WDR7: variants seen among roughly 807,000 people sequenced by gnomAD.
WDR7 encodes WD repeat domain 7, also known as WD repeat-containing protein 7.
In WDR7, 46 loss-of-function variants were observed where a neutral mutation model predicts 169.4. That is an observed-to-expected ratio of 0.27 (90% CI 0.21 to 0.35). The LOEUF (loss-of-function observed/expected upper bound fraction) is 0.35, where lower values mean the gene tolerates loss of function less well. Among genes scored for constraint, WDR7 ranks in the 10% least tolerant of loss-of-function variants. The pLI is 1.00. For missense variants in WDR7, 1,534 were observed against 1,859.3 expected, an observed-to-expected ratio of 0.83 and a Z score of 3.22; for synonymous variants, 612 against 666.8, an observed-to-expected ratio of 0.92 and a Z score of 1.27.
At chr18:56,822,000 A>G (rs1037868033) in intron 20 of WDR7, among the ~76,000 whole-genome samples, 4 of 152,074 alleles carry the variant, frequency 2.6e-5, no homozygotes, top group African/African-American at 4.8e-5. Flanking sequence ...CTCTGTCTCA[A>G]TAAAAACAAA....
At chr18:56,674,017 T>A (rs1316007597) in intron 2 of WDR7, among the ~76,000 whole-genome samples, 2 of 152,234 alleles carry the variant, frequency 1.3e-5, no homozygotes, top group African/African-American at 2.4e-5. Context: ...GTAGCATGTA[T>A]CAGTACTTCA....
At chr18:56,948,901 T>A (rs1197684505) in intron 25 of WDR7, among the ~76,000 whole-genome samples, 1 of 152,168 alleles carries the variant, frequency 6.6e-6, no homozygotes, top group African/African-American at 2.4e-5. Flanking sequence ...AGCCCAGGCC[T>A]CTTCCTCTCC....
At chr18:56,755,515 G>A (rs746532289) in intron 14 of WDR7, among the ~76,000 whole-genome samples, 4 of 152,156 alleles carry the variant, frequency 2.6e-5, no homozygotes, top group African/African-American at 7.2e-5. Context: ...CAGCGGGATA[G>A]GAAGAAAACA....
chr18:56,887,462 A>T (rs779017482), intron 21 of WDR7, among the ~76,000 whole-genome samples: 22 of 152,222 alleles, frequency 1.4e-4, no homozygotes, highest in Non-Finnish European at 3.1e-4. Context: ...AATTCTATTT[A>T]TGAGCGATTT....
At chr18:56,980,748 G>T (rs2047632409) in intron 26 of WDR7, among the ~76,000 whole-genome samples, 2 of 152,188 alleles carry the variant, frequency 1.3e-5, no homozygotes, top group African/African-American at 4.8e-5. Context: ...GTGGATGGGA[G>T]AGAAGAGCAT....
At chr18:56,819,319 A>C (rs2045040997) in intron 20 of WDR7, among the ~76,000 whole-genome samples, 1 of 152,180 alleles carries the variant, frequency 6.6e-6, no homozygotes, top group South Asian at 2.1e-4. Flanking sequence ...AGGAGGAAAA[A>C]AATTGGGTCT....
rs141319626 is a variant in WDR7 at position 56,975,304 on chromosome 18, A to G, written c.4164+12775A>G. Among the ~76,000 whole-genome samples the G allele has an allele frequency of 8.3e-4, 126 of 152,206 alleles. 1 individual carries two copies. Among genetic ancestry groups the G allele is most frequent in the African/African-American group, 3.0e-3 (123 of 41,534 alleles). ...GGTGTTCTGTGGGCAGACATGGGAGAAGAAAACTTTTCTGGGAGAGGATGA... is the reference window on the plus strand; with the variant it reads ...GGTGTTCTGTGGGCAGACATGGGAGGAGAAAACTTTTCTGGGAGAGGATGA... On this transcript the variant is annotated intron_variant, in intron 26 of 27. Coordinates refer to ENST00000254442, the MANE Select transcript of WDR7 (RefSeq NM_015285.3).
intron 26 of WDR7, among the ~76,000 whole-genome samples, chr18:57,015,529 A>G (rs1464067117): frequency 6.6e-6 from 1 of 152,098 alleles, no homozygotes; most frequent in Non-Finnish European, 1.5e-5. Context: ...TCCCTTGCCT[A>G]ACAGAGCTGT....
At chr18:57,024,577 T>C (rs12968165) in intron 27 of WDR7, among the ~76,000 whole-genome samples, 2,003 of 51,336 alleles carry the variant, frequency 0.039, 84 homozygotes, top group East Asian at 0.062. Flanking sequence ...ATGTCCCTTA[T>C]AGAATTTCAC....
chr18:56,924,668 A>G (rs986538452), intron 22 of WDR7, among the ~76,000 whole-genome samples: 8 of 152,238 alleles, frequency 5.3e-5, no homozygotes, highest in East Asian at 1.9e-4. Flanking sequence ...GTGGTGACCA[A>G]CTGACTAGGA....
chr18:56,916,708 TCTGGTATTGTATTAGTATACACCA>T (rs2046631962), intron 21 of WDR7, among the ~76,000 whole-genome samples: 1 of 152,214 alleles, frequency 6.6e-6, no homozygotes, highest in Admixed American at 6.5e-5. Flanking sequence ...GTGAGGCACC[TCTGGTATTGTATTAGTATACACCA>T]CTGGCATTTT....
intron 20 of WDR7, among the ~76,000 whole-genome samples, chr18:56,861,125 A>ATAC (rs146955618): frequency 6.6e-6 from 1 of 151,846 alleles, no homozygotes; most frequent in African/African-American, 2.4e-5. Context: ...AGTACAGTTT[A>ATAC]TATTCTTTTT....
chr18:56,840,297 T>C (rs2045463046), intron 20 of WDR7, among the ~76,000 whole-genome samples: 1 of 151,898 alleles, frequency 6.6e-6, no homozygotes, highest in Non-Finnish European at 1.5e-5. Flanking sequence ...TGGAAAACTA[T>C]AGAAAATTAT....
intron 22 of WDR7, among the ~76,000 whole-genome samples, chr18:56,925,869 G>A (rs140246702): frequency 2.0e-5 from 3 of 152,242 alleles, no homozygotes; most frequent in East Asian, 1.9e-4. Context: ...CTCCCTAGCC[G>A]TATGCCCTCC....
At chr18:56,780,572 G>A (rs2044303254) in intron 18 of WDR7, among the ~76,000 whole-genome samples, 2 of 152,054 alleles carry the variant, frequency 1.3e-5, no homozygotes, top group Admixed American at 6.6e-5. Context: ...TAATCCCAAC[G>A]CTTTGGGAGG....
chr18:56,801,564 C>G lies in WDR7; in HGVS notation c.3191-14467C>G, dbSNP rs1040889844. 4.6e-5 allele frequency among the ~76,000 whole-genome samples: 7 copies of G among 152,164 alleles called. No individual in the cohort carries two copies. The East Asian group carries it at 1.3e-3, about 29-fold the overall frequency. On this transcript the variant is annotated intron_variant, in intron 19 of 27. Coordinates refer to ENST00000254442, the MANE Select transcript of WDR7 (RefSeq NM_015285.3). ...TCCATCACCACAGTACCATACAGAA[C>G]GTTTGTAGCACTTCAATAATTTCCT... is the stretch of plus-strand genomic sequence containing the variant.
At position 56,847,472 on chromosome 18, in the gene WDR7, G is replaced by A. The variant is rs184953019; in HGVS notation, c.3304+31328G>A. ...TGTGGCAGAGAAAGAATATTTTCGG[G>A]GGAGGAATACAAGCAGACTGTGGAG... On this transcript the variant is annotated intron_variant, in intron 20 of 27. Coordinates refer to ENST00000254442, the MANE Select transcript of WDR7 (RefSeq NM_015285.3). Among the ~76,000 whole-genome samples the A allele has an allele frequency of 2.7e-4, 41 of 152,290 alleles. 2 individuals are homozygous for A. The highest frequency in any genetic ancestry group is 7.8e-4 in the Admixed American group (12 of 15,298).
intron 21 of WDR7, among the ~76,000 whole-genome samples, chr18:56,903,410 A>ATTATTTAT (rs750571595): frequency 2.6e-4 from 39 of 151,708 alleles, no homozygotes; most frequent in African/African-American, 9.4e-4. Context: ...TTTTATTTTT[A>ATTATTTAT]TTATTTATTT....
At chr18:56,846,622 G>A (rs1207916550) in intron 20 of WDR7, among the ~76,000 whole-genome samples, 1 of 152,162 alleles carries the variant, frequency 6.6e-6, no homozygotes, top group African/African-American at 2.4e-5. Context: ...TAATACAAAT[G>A]GCTTGGTGCC....
Sources: gnomAD v4.1 joint callset for allele counts (sites outside exome capture counted in the v4.1 genomes callset) on GRCh38, gnomAD v4.1.1 for gene constraint, MANE v1.5 for transcripts, NCBI Gene and HGNC (gene_info 2026-07-23, HGNC 2026-07-21) for gene names.